ZNF568: variants seen among roughly 807,000 people sequenced by gnomAD.
The protein encoded by ZNF568 is p53 inhibitor of SCO2 activation.
A neutral mutation model predicts 18.1 loss-of-function variants in ZNF568; 11 were observed. The observed-to-expected ratio is 0.61, with a 90% CI of 0.38 to 1.00. The LOEUF is 1.00. Among genes scored for constraint, ZNF568 ranks in the 50% least tolerant of loss-of-function variants. The probability of loss-of-function intolerance (pLI) is 0.01; values close to 1 mark genes in which losing one functional copy is unlikely to be tolerated. For synonymous variants in ZNF568, 213 were observed against 246.6 expected (o/e 0.86, Z 1.28); for missense variants, 639 against 768.2 (o/e 0.83, Z 1.99).
At chr19:36,969,781 ATTTTTTTTTTT>A (rs200089198) in intron 6 of ZNF568, among the ~76,000 whole-genome samples, 13 of 77,100 alleles carry the variant, frequency 1.7e-4, no homozygotes, top group Admixed American at 5.2e-4. Context: ...CCATCTCAAG[ATTTTTTTTTTT>A]TTTTTTTTTT....
chr19:36,949,609 C>A lies in ZNF568; in HGVS notation c.456C>A (p.Val152=). 3.1e-6 allele frequency: 5 copies of A among 1,613,540 alleles called. No homozygotes were observed. Among genetic ancestry groups the A allele is most frequent in the Non-Finnish European group, 4.2e-6 (5 of 1,179,764 alleles). ...ISKKILIKEK[V]IECKKVAKIF... ...AGAAAATTCTGATAAAGGAAAAAGT[C>A]ATTGAATGTAAAAAAGTTGCGAAAA... Residue 152 remains valine (V), a synonymous_variant, in exon 7 of 7, where the codon GTC becomes GTA. Coordinates refer to ENST00000333987, the MANE Select transcript of ZNF568 (RefSeq NM_198539.4).
intron 7 of ZNF568, among the ~76,000 whole-genome samples, chr19:36,978,837 G>A (rs76028304): frequency 0.014 from 2,081 of 152,170 alleles, 58 homozygotes; most frequent in African/African-American, 0.047. Flanking sequence ...CACAAGAAGG[G>A]CATTTATCCC....
At chr19:36,953,039 T>C (rs2074080380), downstream of ZNF568, among the ~76,000 whole-genome samples, 1 of 152,206 alleles carries the variant, frequency 6.6e-6, no homozygotes, top group African/African-American at 2.4e-5. Context: ...TATTAAAAAT[T>C]TGAAAATCAG....
At chr19:36,947,584 GA>G (rs1433915945) in intron 6 of ZNF568, among the ~76,000 whole-genome samples, 6 of 152,252 alleles carry the variant, frequency 3.9e-5, no homozygotes, top group Middle Eastern at 3.4e-3. Flanking sequence ...TACTTAAGCA[GA>G]TCCATAACTC....
chr19:36,996,443 G>A, exon 5 of ZNF568: 1 of 1,536,412 alleles, frequency 6.5e-7, no homozygotes, highest in South Asian at 1.2e-5. Context: ...AGACAACAGG[G>A]TCATCAGGAG....
At chr19:36,969,377 T>C (rs181126860) in intron 6 of ZNF568, among the ~76,000 whole-genome samples, 236 of 152,198 alleles carry the variant, frequency 1.6e-3, no homozygotes, top group African/African-American at 5.5e-3. Context: ...TATATCCTAA[T>C]TGAAAGAGAG....
At chr19:36,929,227 T>C (rs575581482) in intron 4 of ZNF568, among the ~76,000 whole-genome samples, 1 of 152,276 alleles carries the variant, frequency 6.6e-6, no homozygotes, top group South Asian at 2.1e-4. Flanking sequence ...TAAACAATTA[T>C]ATTCTATTAT....
downstream of ZNF568, among the ~76,000 whole-genome samples, chr19:36,953,008 A>G (rs2074080070): frequency 1.3e-5 from 2 of 152,240 alleles, no homozygotes; most frequent in African/African-American, 4.8e-5. Context: ...ATGATATCTT[A>G]GATTCAAGTA....
chr19:36,947,619 C>G (rs1193385913), intron 6 of ZNF568, among the ~76,000 whole-genome samples: 1 of 152,158 alleles, frequency 6.6e-6, no homozygotes, highest in Non-Finnish European at 1.5e-5. Context: ...TAACTGCTCC[C>G]TACTCAGACT....
chr19:36,956,262 A>T (rs1002060491), downstream of ZNF568, among the ~76,000 whole-genome samples: 3 of 152,144 alleles, frequency 2.0e-5, no homozygotes, highest in African/African-American at 4.8e-5. Flanking sequence ...TCACAGCTAA[A>T]TTCCTCTAAG....
At chr19:36,920,218 A>T (rs563474377) in intron 2 of ZNF568, among the ~76,000 whole-genome samples, 1 of 151,666 alleles carries the variant, frequency 6.6e-6, no homozygotes, top group Non-Finnish European at 1.5e-5. Flanking sequence ...AAGTTAAAAA[A>T]TTTTTAAGAA....
chr19:36,950,492 G>C lies in ZNF568; in HGVS notation c.1339G>C (p.Glu447Gln). 1 of 1,613,572 alleles carries C rather than the reference G, an allele frequency of 6.2e-7. No individual in the cohort carries two copies. The highest frequency in any genetic ancestry group is 8.5e-7 in the Non-Finnish European group (1 of 1,179,742). ...AAATCATACAGCTGAGAAACCCTAT[G>C]AATGTAAGGAATGTGGAAAAGCCTT... Reference protein sequence around the residue: ...MRNHTAEKPYECKECGKAFSR... With the variant: ...MRNHTAEKPYQCKECGKAFSR... Residue 447 changes from glutamate to glutamine, a missense_variant, in exon 7 of 7, where the codon GAA becomes CAA. By Grantham distance (29) the Glu-to-Gln change is conservative. Transcript: ENST00000333987.
chr19:36,942,021 T>C (rs2146298096), intron 6 of ZNF568, among the ~76,000 whole-genome samples: 1 of 151,446 alleles, frequency 6.6e-6, no homozygotes, highest in Non-Finnish European at 1.5e-5. Context: ...CTTGCTGTTG[T>C]TGCCCAGGCT....
At position 36,991,569 on chromosome 19, in the gene ZNF568, A is replaced by G. The variant is rs188818540; in HGVS notation, c.134-182A>G. ...TGGAAATGAATGGTTAAGTGGAATC[A>G]CATATTGCAAACTTTTTTTCTAATT... On this transcript the variant is annotated intron_variant, in intron 3 of 4. Transcript: ENST00000433993. 2.6e-4 allele frequency: 165 copies of G among 625,330 alleles called. No individual in the cohort carries two copies. In the African/African-American group the frequency reaches 2.8e-3, roughly 11 times the overall value. The allele number at this position is 625,330 out of a possible 1,614,324, so 38.7% of individuals were successfully genotyped here. A position where few individuals can be genotyped will look rare whatever the true frequency, so the allele number is the denominator to read the frequency against.
chr19:36,963,959 C>A (rs2074174019), intron 6 of ZNF568, among the ~76,000 whole-genome samples: 1 of 121,402 alleles, frequency 8.2e-6, no homozygotes, highest in Admixed American at 1.3e-4. Flanking sequence ...AAGCGAGACT[C>A]AGTCAAAAAA....
At chr19:36,920,781 C>A (rs557902709) in intron 2 of ZNF568, among the ~76,000 whole-genome samples, 1 of 103,136 alleles carries the variant, frequency 9.7e-6, no homozygotes. Context: ...TAGGCCTTTG[C>A]GTTCACTCGC....
chr19:36,945,628 T>A (rs1185382455), intron 6 of ZNF568, among the ~76,000 whole-genome samples: 1 of 152,006 alleles, frequency 6.6e-6, no homozygotes, highest in African/African-American at 2.4e-5. Context: ...GTTAGAAACA[T>A]TTGCAATTAT....
At chr19:36,997,785 C>T (rs765663236), downstream of ZNF568, 42 of 567,918 alleles carry the variant, frequency 7.4e-5, 1 homozygote, top group South Asian at 8.4e-4. Flanking sequence ...GAAAAAAAAA[C>T]TTATGATTCT....
At chr19:36,919,337 G>A (rs542558442) in intron 2 of ZNF568, among the ~76,000 whole-genome samples, 42 of 152,128 alleles carry the variant, frequency 2.8e-4, no homozygotes, top group South Asian at 8.3e-4. Context: ...TGCCATATAT[G>A]TATGGACTAT....
Sources: gnomAD v4.1 joint callset for allele counts (sites outside exome capture counted in the v4.1 genomes callset) on GRCh38, gnomAD v4.1.1 for gene constraint, MANE v1.5 for transcripts, NCBI Gene and HGNC (gene_info 2026-07-23, HGNC 2026-07-21) for gene names.